Variants in PSMC3 observed in about 807,000 individuals in gnomAD.
PSMC3 encodes proteasome 26S subunit, ATPase 3, also known as 26S proteasome regulatory subunit 6A.
Under a neutral mutation model 52.0 loss-of-function variants are expected in PSMC3, and 11 were observed. The observed-to-expected ratio is 0.21, with a 90% CI of 0.13 to 0.35. PSMC3 has a LOEUF of 0.35. Ranked by LOEUF, PSMC3 falls within the 10% of genes least tolerant of loss-of-function variation. The pLI, the probability that PSMC3 is intolerant of heterozygous loss-of-function variation, is 1.00. For missense variants in PSMC3, 238 were observed against 567.1 expected (o/e 0.42, Z 5.89); for synonymous variants, 201 against 218.8 (o/e 0.92, Z 0.72).
At chr11:47,419,575 T>A (rs994581383) in intron 10 of PSMC3, among the ~76,000 whole-genome samples, 2 of 152,102 alleles carry the variant, frequency 1.3e-5, no homozygotes, top group Admixed American at 1.3e-4. Flanking sequence ...AAAGTGAGGC[T>A]GAGGCCGGGC....
chr11:47,423,926 C>T (rs1363255002), intron 6 of PSMC3, 120 bp downstream of exon 6: 2 of 1,412,186 alleles, frequency 1.4e-6, no homozygotes, highest in African/African-American at 1.4e-5. Flanking sequence ...CATGGCACCC[C>T]TCCCTTCCTC....
In PSMC3 at chr11:47,422,935, C is replaced by G; in HGVS notation, c.630G>C (p.Glu210Asp). Reference protein sequence around the residue: ...EAIVLPMNHKEKFENLGIQPP... With the variant: ...EAIVLPMNHKDKFENLGIQPP... ...GTTGGATCCCCAAGTTCTCAAACTT[C>G]TCCTTGTGGTTCATTGGCAAGACAA... Residue 210 changes from glutamate to aspartate, a missense_variant, in exon 7 of 12, where the codon GAG becomes GAC. Around this residue, in one of 6 missense-constraint regions of PSMC3, gnomAD observed 60 missense variants for 117.3 expected, o/e 0.51. Transcript: ENST00000298852. This position sits in a 1 kb window ranked among gnomAD's most constrained non-coding sequence, Gnocchi z 4.3. 3 of 1,613,798 alleles carry G rather than the reference C, an allele frequency of 1.9e-6. No homozygotes were observed. The highest frequency in any genetic ancestry group is 2.5e-6 in the Non-Finnish European group (3 of 1,179,874).
In PSMC3 at chr11:47,425,445, G is replaced by A. The variant is rs928101892; in HGVS notation, c.160-199C>T. 5 of 628,316 alleles carry A rather than the reference G, an allele frequency of 8.0e-6. No homozygotes were observed. In the African/African-American group the frequency reaches 9.2e-5, roughly 12 times the overall value. 38.9% of individuals were successfully genotyped at this position (628,316 alleles called of 1,614,324 possible). ...AGGAGGCCAGTTTGGAAACCTCCTG[G>A]TGAAATAGTGGTAGTATTGGAATAA... On this transcript the variant is annotated intron_variant, in intron 2 of 11. Coordinates refer to ENST00000298852, the MANE Select transcript of PSMC3 (RefSeq NM_002804.5).
intron 8 of PSMC3, among the ~76,000 whole-genome samples, chr11:47,421,814 G>T (rs1399202754): frequency 6.6e-6 from 1 of 151,714 alleles, no homozygotes; most frequent in East Asian, 1.9e-4. Context: ...CACCACACCC[G>T]GCTAATTTTT....
At chr11:47,426,161 C>G in intron 1 of PSMC3, 44 bp downstream of exon 1, 1 of 1,536,528 alleles carries the variant, frequency 6.5e-7, no homozygotes, top group Non-Finnish European at 8.8e-7. Flanking sequence ...TGGCGTCTCC[C>G]TGCGGGCCCC....
Position 47,423,992 on chromosome 11 carries a change from G to T in PSMC3, c.591+54C>A. ...TAGGGAGATGAGCTGCATCAATGGCGTGGAGAAACTAAAAGGCTGACAAGG... is the reference window on the plus strand; with the variant it reads ...TAGGGAGATGAGCTGCATCAATGGCTTGGAGAAACTAAAAGGCTGACAAGG... On this transcript the variant is annotated intron_variant, in intron 6 of 11. Transcript: ENST00000298852. 3.1e-6 allele frequency: 5 copies of T among 1,611,900 alleles called. No individual in the cohort carries two copies. In the South Asian group the frequency reaches 5.5e-5, roughly 18 times the overall value.
Position 47,424,613 on chromosome 11 carries a change from T to C in PSMC3, c.384A>G (p.Thr128=), listed in dbSNP as rs370244365. The change falls in exon 4 of 12, where the codon ACA becomes ACG. Residue 128 remains threonine, a synonymous_variant. Coordinates refer to ENST00000298852, the MANE Select transcript of PSMC3 (RefSeq NM_002804.5). This position sits in a 1 kb window ranked among gnomAD's most constrained non-coding sequence, Gnocchi z 4.8. ...ATTGCTGAGCCACGCTCACCTGTCG[T>C]GTAGAGGTTTTGATCACAGCACACT... is the stretch of plus-strand genomic sequence containing the variant. ...KGKCAVIKTS[T]RQTYFLPVIG... 1.9e-6 allele frequency: 3 copies of C among 1,612,582 alleles called. No homozygotes were observed. The highest frequency in any genetic ancestry group is 2.5e-6 in the Non-Finnish European group (3 of 1,178,582).
At position 47,422,767 on chromosome 11, in the gene PSMC3, G is replaced by A; in HGVS notation, c.736-45C>T. On this transcript the variant is annotated intron_variant, in intron 7 of 11. Coordinates refer to ENST00000298852, the MANE Select transcript of PSMC3 (RefSeq NM_002804.5). This position sits in a 1 kb window ranked among gnomAD's most constrained non-coding sequence, Gnocchi z 4.3. ...GAGTCAGGTCAAAGGCAGACCCTTT[G>A]AGCCCATCTGGTAGAGTTTCTGCTC... The A allele has an allele frequency of 6.2e-7, 1 of 1,611,024 alleles. No homozygotes were observed. The highest frequency in any genetic ancestry group is 8.5e-7 in the Non-Finnish European group (1 of 1,177,802).
At chr11:47,423,770 TAAAAGCAAAACTCCATCTCGGAAAAA>T (rs2096043368) in intron 6 of PSMC3, among the ~76,000 whole-genome samples, 1 of 141,418 alleles carries the variant, frequency 7.1e-6, no homozygotes, top group African/African-American at 2.7e-5. Flanking sequence ...GCATGGGCAG[TAAAAGCAAAACTCCATCTCGGAAAAA>T]AAAAAAAAAA....
intron 10 of PSMC3, 47 bp from the exon 11 acceptor site, chr11:47,419,244 G>A (rs1452557950): frequency 6.3e-7 from 1 of 1,596,734 alleles, no homozygotes; most frequent in Admixed American, 1.7e-5. Context: ...ATGCGGAATG[G>A]GCAGAGGGGC....
chr11:47,419,598 A>ACG (rs2096037578), intron 10 of PSMC3, among the ~76,000 whole-genome samples: 2 of 152,220 alleles, frequency 1.3e-5, no homozygotes, highest in African/African-American at 4.8e-5. Flanking sequence ...GGTGGCTCAT[A>ACG]CCTATAATCC....
intron 10 of PSMC3, among the ~76,000 whole-genome samples, chr11:47,419,663 T>C (rs2096037748): frequency 6.6e-6 from 1 of 152,040 alleles, no homozygotes; most frequent in Admixed American, 6.6e-5. Context: ...ATCAAGACCA[T>C]TCTGGCTAAC....
At chr11:47,421,507 G>C (rs752815044) in intron 8 of PSMC3, among the ~76,000 whole-genome samples, 3 of 152,076 alleles carry the variant, frequency 2.0e-5, no homozygotes, top group Non-Finnish European at 4.4e-5. Flanking sequence ...GGCCTGAAAC[G>C]CAGGAAGCAC....
In PSMC3 at chr11:47,426,400, G is replaced by A. The variant is rs930416811; in HGVS notation, c.-121C>T. On this transcript the variant is annotated 5_prime_UTR_variant, in exon 1 of 12. Transcript: ENST00000298852. ...CCTCTCCCCACAAATCCCGACTCTT[G>A]ACCCGACCAGCTCCGGCCGTGCTGC... The A allele has an allele frequency of 5.5e-6, 5 of 908,194 alleles. No individual in the cohort carries two copies. Among genetic ancestry groups the A allele is most frequent in the Admixed American group, 3.0e-5 (1 of 33,692 alleles). The allele number at this position is 908,194 out of a possible 1,614,324, so 56.3% of individuals were successfully genotyped here.
Position 47,422,513 on chromosome 11 carries a change from G to A in PSMC3, c.884+61C>T. On this transcript the variant is annotated intron_variant, in intron 8 of 11. Transcript: ENST00000298852. This position sits in a 1 kb window ranked among gnomAD's most constrained non-coding sequence, Gnocchi z 4.3. ...AGGAACCACAATTTAGCACAACTGA[G>A]AGTCAACCCGCTTCCCCTTACCGCC... is the stretch of plus-strand genomic sequence containing the variant. The A allele has an allele frequency of 6.9e-6, 11 of 1,592,560 alleles. No individual in the cohort carries two copies. Among genetic ancestry groups the A allele is most frequent in the Non-Finnish European group, 8.6e-6 (10 of 1,165,592 alleles).
At chr11:47,420,522 TAA>T in intron 9 of PSMC3, 107 bp downstream of exon 9, 2 of 1,515,982 alleles carry the variant, frequency 1.3e-6, no homozygotes, top group South Asian at 2.4e-5. Flanking sequence ...CATGGGATGT[TAA>T]AGACAGATCC....
At position 47,418,963 on chromosome 11, in the gene PSMC3, A is replaced by G; in HGVS notation, c.1210-18T>C. The G allele has an allele frequency of 6.2e-7, 1 of 1,613,542 alleles. No individual in the cohort carries two copies. Among genetic ancestry groups the G allele is most frequent in the Non-Finnish European group, 8.5e-7 (1 of 1,179,642 alleles). On this transcript the variant is annotated intron_variant, in intron 11 of 11. Transcript: ENST00000298852. Reference sequence around the variant, plus strand: ...ATCATGCCCTACAGCCGGGACAAACAGAGTCTAGGTCTGAACGCCTGAATG... The same window carrying G: ...ATCATGCCCTACAGCCGGGACAAACGGAGTCTAGGTCTGAACGCCTGAATG...
chr11:47,426,183 C>A (rs1181113248), intron 1 of PSMC3, 22 bp downstream of exon 1: 3 of 1,553,004 alleles, frequency 1.9e-6, no homozygotes, highest in Non-Finnish European at 2.6e-6. Context: ...GTTCCCGGAC[C>A]GCCAGCTCGC....
At position 47,418,841 on chromosome 11, in the gene PSMC3, G is replaced by A. The variant is rs201625889; in HGVS notation, c.1314C>T (p.Tyr438=). 45 of 1,613,590 alleles carry A rather than the reference G, an allele frequency of 2.8e-5. No individual in the cohort carries two copies. Among genetic ancestry groups the A allele is most frequent in the Middle Eastern group, 1.6e-4 (1 of 6,082 alleles). ...TGGGGCTGGCCTGTGTGCCCTAGGC[G>A]TAGTATTGTAGGTTGGCTTTCTTCT... ...QAKKKANLQY[Y]A The change falls in exon 12 of 12, where the codon TAC becomes TAT. Residue 438 remains tyrosine (Y), a synonymous_variant. Transcript: ENST00000298852.
Sources: allele counts gnomAD v4.1 joint callset (sites outside exome capture counted in the v4.1 genomes callset), GRCh38; gene constraint gnomAD v4.1.1; regional missense constraint gnomAD v4.1.1; non-coding constraint Gnocchi (gnomAD v3.1); transcripts MANE v1.5; gene names NCBI Gene and HGNC (gene_info 2026-07-23, HGNC 2026-07-21).